SHROOM3: variants seen among roughly 807,000 people sequenced by gnomAD.
SHROOM3 encodes the protein shroom family member 3.
SHROOM3 carries 47 observed loss-of-function variants against 138.6 expected under a neutral mutation model. The ratio of observed to expected loss-of-function variants is 0.34; its 90% CI spans 0.27 to 0.43. SHROOM3 has a LOEUF of 0.43. SHROOM3 is among the 20% of genes least tolerant of loss of function. The pLI is 1.00. For synonymous variants in SHROOM3, 1,062 were observed against 1,063.3 expected, an observed-to-expected ratio of 1.00 and a Z score of 0.02; for missense variants, 2,491 against 2,596.5, an observed-to-expected ratio of 0.96 and a Z score of 0.88.
At chr4:76,680,077 C>T (rs1292694343) in intron 2 of SHROOM3, among the ~76,000 whole-genome samples, 1 of 151,912 alleles carries the variant, frequency 6.6e-6, no homozygotes, top group Non-Finnish European at 1.5e-5. Context: ...TTCTCCAGCG[C>T]AAACAACCAG....
At chr4:76,663,552 G>C (rs1718600775) in intron 2 of SHROOM3, among the ~76,000 whole-genome samples, 2 of 152,074 alleles carry the variant, frequency 1.3e-5, no homozygotes, top group Non-Finnish European at 1.5e-5. Flanking sequence ...TGCTTTGTTT[G>C]GCCCATAGAT....
At chr4:76,530,873 T>G (rs1279805061) in intron 1 of SHROOM3, among the ~76,000 whole-genome samples, 1 of 152,190 alleles carries the variant, frequency 6.6e-6, no homozygotes, top group Non-Finnish European at 1.5e-5. Context: ...AATGGGTGTT[T>G]GGAGGAATAT....
intron 2 of SHROOM3, among the ~76,000 whole-genome samples, chr4:76,607,350 T>G (rs1022073579): frequency 6.6e-6 from 1 of 152,206 alleles, no homozygotes; most frequent in African/African-American, 2.4e-5. Context: ...AGTAAGTTGC[T>G]CTCTAATGAG....
intron 2 of SHROOM3, among the ~76,000 whole-genome samples, chr4:76,619,608 G>A (rs1217661365): frequency 1.3e-5 from 2 of 152,132 alleles, no homozygotes; most frequent in Admixed American, 1.3e-4. Context: ...GTGGAAACAT[G>A]GGGATACAGA....
intron 2 of SHROOM3, among the ~76,000 whole-genome samples, chr4:76,568,068 C>G (rs1733765000): frequency 6.6e-6 from 1 of 152,134 alleles, no homozygotes. Context: ...TTACCTGTCT[C>G]TCTGTCACAC....
At chr4:76,604,579 T>C (rs1214718621) in intron 2 of SHROOM3, among the ~76,000 whole-genome samples, 1 of 151,548 alleles carries the variant, frequency 6.6e-6, no homozygotes, top group Non-Finnish European at 1.5e-5. Context: ...TTGGAATGCC[T>C]TCATTAAAAT....
intron 1 of SHROOM3, among the ~76,000 whole-genome samples, chr4:76,512,011 T>A (rs959354182): frequency 6.6e-6 from 1 of 152,152 alleles, no homozygotes; most frequent in African/African-American, 2.4e-5. Context: ...GAGAATATTT[T>A]CAACCTGAGG....
intron 1 of SHROOM3, among the ~76,000 whole-genome samples, chr4:76,453,315 A>G (rs1382786450): frequency 6.6e-6 from 1 of 150,826 alleles, no homozygotes; most frequent in African/African-American, 2.4e-5. Context: ...GTCTTGCTCC[A>G]TTGTCCAGGC....
chr4:76,495,977 G>A (rs927786109), intron 1 of SHROOM3, among the ~76,000 whole-genome samples: 4 of 152,224 alleles, frequency 2.6e-5, no homozygotes, highest in African/African-American at 9.6e-5. Flanking sequence ...GGAATGACTA[G>A]TTTGAGAGAA....
intron 1 of SHROOM3, 84 bp from the exon 2 acceptor site, chr4:76,555,525 T>G: frequency 6.3e-7 from 1 of 1,596,358 alleles, no homozygotes; most frequent in Non-Finnish European, 8.5e-7. Flanking sequence ...TCTGCAGGAG[T>G]CTAAGCTGGG....
chr4:76,729,209 T>TA (rs975448774), intron 3 of SHROOM3, among the ~76,000 whole-genome samples: 2 of 152,194 alleles, frequency 1.3e-5, no homozygotes, highest in African/African-American at 4.8e-5. Flanking sequence ...ATCTAAAAGC[T>TA]AAAACCAGTG....
rs1721244186 is a variant in SHROOM3, at chr4:76,741,219, A to T, written c.3046A>T (p.Lys1016Ter). The change falls in exon 5 of 11, where the codon AAG (lysine) becomes TAG (stop). Residue 1016 changes from lysine (K) to a stop codon, truncating the protein, a stop_gained. Coordinates refer to ENST00000296043, the MANE Select transcript of SHROOM3 (RefSeq NM_020859.4). LOFTEE classifies it high-confidence loss of function. This position sits in a 1 kb window ranked among gnomAD's most constrained non-coding sequence, Gnocchi z 6.2. ...GARRRLTPEQ[K>*]KRSYSEPEKM... ...TCGCCGGCGCCTGACTCCCGAGCAG[A>T]AGAAGCGCTCCTACTCGGAGCCCGA... The T allele has an allele frequency of 6.2e-7, 1 of 1,609,528 alleles. No individual in the cohort carries two copies. The highest frequency in any genetic ancestry group is 8.5e-7 in the Non-Finnish European group (1 of 1,178,680).
At chr4:76,528,263 A>G (rs1230102071) in intron 1 of SHROOM3, among the ~76,000 whole-genome samples, 2 of 152,020 alleles carry the variant, frequency 1.3e-5, no homozygotes, top group Non-Finnish European at 2.9e-5. Flanking sequence ...TATCTTTCTA[A>G]TTCAAGATAA....
intron 1 of SHROOM3, among the ~76,000 whole-genome samples, chr4:76,449,268 C>A (rs188880151): frequency 6.6e-6 from 1 of 152,198 alleles, no homozygotes; most frequent in African/African-American, 2.4e-5. Flanking sequence ...AAATTCTTTT[C>A]TAGAATTTTA....
At chr4:76,528,326 T>TTCG (rs1732744780) in intron 1 of SHROOM3, among the ~76,000 whole-genome samples, 1 of 129,756 alleles carries the variant, frequency 7.7e-6, no homozygotes, top group Non-Finnish European at 1.5e-5. Context: ...CTTTCTTTCC[T>TTCG]TCTTCTTCTT....
intron 2 of SHROOM3, among the ~76,000 whole-genome samples, chr4:76,602,634 C>A (rs192617053): frequency 3.3e-4 from 51 of 152,262 alleles, no homozygotes; most frequent in Admixed American, 3.1e-3. Flanking sequence ...TAAATTGGAT[C>A]TCTCTTGGTC....
chr4:76,467,077 C>G (rs1394248993), intron 1 of SHROOM3, among the ~76,000 whole-genome samples: 4 of 150,180 alleles, frequency 2.7e-5, no homozygotes, highest in African/African-American at 9.8e-5. Flanking sequence ...GGGTCTCACT[C>G]TGTCACCCAG....
intron 2 of SHROOM3, among the ~76,000 whole-genome samples, chr4:76,680,164 G>A (rs1474660528): frequency 3.4e-5 from 5 of 147,998 alleles, no homozygotes; most frequent in South Asian, 2.2e-4. Context: ...TTTTTGAGAC[G>A]GAGTCTCGCT....
chr4:76,714,040 G>A (rs762419018), intron 3 of SHROOM3, among the ~76,000 whole-genome samples: 15 of 152,038 alleles, frequency 9.9e-5, no homozygotes, highest in Non-Finnish European at 1.6e-4. Context: ...TGAAATCATT[G>A]TAGACTCACA....
Sources: gnomAD v4.1 joint callset for allele counts (sites outside exome capture counted in the v4.1 genomes callset) on GRCh38, gnomAD v4.1.1 for gene constraint, Gnocchi (gnomAD v3.1) non-coding constraint, MANE v1.5 for transcripts, NCBI Gene and HGNC (gene_info 2026-07-23, HGNC 2026-07-21) for gene names.